The following DOCK3 variants were observed in gnomAD, a reference collection of about 807,000 sequenced individuals.
DOCK3 encodes the protein dedicator of cytokinesis protein 3.
A neutral mutation model predicts 265.6 loss-of-function variants in DOCK3; 60 were observed. The ratio of observed to expected loss-of-function variants is 0.23; its 90% CI spans 0.18 to 0.28. DOCK3 has a LOEUF of 0.28. DOCK3 is among the 10% of genes least tolerant of loss of function. The pLI is 1.00. For missense variants in DOCK3, 1,981 were observed against 2,594.3 expected, an observed-to-expected ratio of 0.76 and a Z score of 5.14; for synonymous variants, 881 against 938.0, an observed-to-expected ratio of 0.94 and a Z score of 1.11.
chr3:50,905,871 C>T (rs529748332), intron 4 of DOCK3, among the ~76,000 whole-genome samples: 71 of 152,114 alleles, frequency 4.7e-4, no homozygotes, highest in Non-Finnish European at 9.3e-4. Flanking sequence ...CCAGTTTTTG[C>T]CCATTCAGTA....
chr3:51,357,459 A>G (rs1014289403), intron 44 of DOCK3, among the ~76,000 whole-genome samples: 1 of 152,270 alleles, frequency 6.6e-6, no homozygotes, highest in South Asian at 2.1e-4. Context: ...TAGGCTGGAT[A>G]AGAGGCTAGC....
At chr3:50,943,086 A>G (rs1389633346) in intron 5 of DOCK3, among the ~76,000 whole-genome samples, 1 of 152,110 alleles carries the variant, frequency 6.6e-6, no homozygotes, top group Non-Finnish European at 1.5e-5. Context: ...AAGGAAAATA[A>G]TTTCTAAAAA....
At chr3:51,327,584 G>A (rs2084217751) in intron 32 of DOCK3, among the ~76,000 whole-genome samples, 1 of 150,718 alleles carries the variant, frequency 6.6e-6, no homozygotes, top group Non-Finnish European at 1.5e-5. Context: ...AGTGTCCCAT[G>A]TTTCAGATTT....
chr3:51,369,576 C>G lies in DOCK3; in HGVS notation c.5294-4893C>G, dbSNP rs1233838551. The stretch of plus-strand genomic sequence containing the variant: ...TCTACGTCTGATTGGTGTAATAGCA[C>G]AAATGTATGACTTGGGAAGTCATTA... On this transcript the variant is annotated intron_variant, in intron 49 of 52. Coordinates refer to ENST00000266037, the MANE Select transcript of DOCK3 (RefSeq NM_004947.5). Among the ~76,000 whole-genome samples, 4 of 151,996 alleles carry G rather than the reference C, an allele frequency of 2.6e-5. No individual in the cohort carries two copies. In the East Asian group the frequency reaches 7.7e-4, roughly 29 times the overall value.
At chr3:51,106,051 G>T (rs1478777267) in intron 9 of DOCK3, among the ~76,000 whole-genome samples, 1 of 152,220 alleles carries the variant, frequency 6.6e-6, no homozygotes, top group East Asian at 1.9e-4. Context: ...AGCCCAGAGG[G>T]TTTGGTGTGG....
In DOCK3 at chr3:50,893,662, C is replaced by T. The variant is rs533461307; in HGVS notation, c.218+3581C>T. 2.0e-4 allele frequency among the ~76,000 whole-genome samples: 30 copies of T among 151,794 alleles called. No individual in the cohort carries two copies. The East Asian group carries it at 4.9e-3, about 25-fold the overall frequency. ...ATATGCTCAATATGGAATTATCACA[C>T]GTGGGGCAGGAGAGAGAGGAAGAGG... is the stretch of plus-strand genomic sequence containing the variant. On this transcript the variant is annotated intron_variant, in intron 4 of 52. Coordinates refer to ENST00000266037, the MANE Select transcript of DOCK3 (RefSeq NM_004947.5).
chr3:50,695,356 T>C (rs925210514), intron 1 of DOCK3, among the ~76,000 whole-genome samples: 3 of 152,150 alleles, frequency 2.0e-5, no homozygotes, highest in Non-Finnish European at 1.5e-5. Flanking sequence ...TAGCTAGTGA[T>C]TTTTTTTCTA....
At chr3:51,255,605 A>G (rs1454710075) in intron 22 of DOCK3, among the ~76,000 whole-genome samples, 1 of 152,132 alleles carries the variant, frequency 6.6e-6, no homozygotes, top group Non-Finnish European at 1.5e-5. Flanking sequence ...ACTTCATTTC[A>G]TTCATTTGAT....
chr3:51,117,057 G>A (rs2083773964), intron 9 of DOCK3, among the ~76,000 whole-genome samples: 1 of 152,148 alleles, frequency 6.6e-6, no homozygotes, highest in Admixed American at 6.5e-5. Context: ...CAAGGGGAAT[G>A]CGTCCAGCTT....
chr3:50,953,894 C>G (rs764970687), intron 5 of DOCK3, among the ~76,000 whole-genome samples: 6 of 152,006 alleles, frequency 3.9e-5, no homozygotes, highest in Non-Finnish European at 5.9e-5. Flanking sequence ...GTATATCTAC[C>G]TATTTTTTAA....
rs144379072 is a variant in DOCK3 at position 50,675,898 on chromosome 3, C to T, written c.37+598C>T. Among the ~76,000 whole-genome samples the T allele has an allele frequency of 2.5e-3, 384 of 151,658 alleles. 5 individuals carry two copies. Among genetic ancestry groups the T allele is most frequent in the African/African-American group, 8.6e-3 (357 of 41,336 alleles). ...ATGTTTATACGGTTTTTTTTTTAAA[C>T]CCTGTTTTCAGATGAGACCTTATTC... On this transcript the variant is annotated intron_variant, in intron 1 of 52. Transcript: ENST00000266037. The surrounding 1 kb of genome is among the most constrained non-coding windows in gnomAD (Gnocchi z 6.1).
intron 37 of DOCK3, 68 bp downstream of exon 37, chr3:51,339,096 A>G (rs567102687): frequency 6.3e-5 from 85 of 1,345,736 alleles, no homozygotes; most frequent in Middle Eastern, 1.9e-4. Context: ...TACAATAGGC[A>G]GAGAAAGGCT....
At chr3:50,804,887 C>A (rs2043320022) in intron 2 of DOCK3, among the ~76,000 whole-genome samples, 1 of 152,168 alleles carries the variant, frequency 6.6e-6, no homozygotes, top group Non-Finnish European at 1.5e-5. Flanking sequence ...GCTTATCTAT[C>A]TTTTTTGAAT....
intron 10 of DOCK3, among the ~76,000 whole-genome samples, chr3:51,155,141 A>G (rs1164444526): frequency 1.3e-5 from 2 of 151,006 alleles, no homozygotes; most frequent in Non-Finnish European, 3.0e-5. Flanking sequence ...ATGCTTGGCT[A>G]ATTTTTTTTT....
At chr3:51,076,522 A>G (rs2082063129) in intron 7 of DOCK3, among the ~76,000 whole-genome samples, 1 of 152,238 alleles carries the variant, frequency 6.6e-6, no homozygotes, top group Non-Finnish European at 1.5e-5. Flanking sequence ...CTTTTGGGTC[A>G]TAGAAGATCA....
chr3:50,744,673 G>T (rs953216336), intron 1 of DOCK3, among the ~76,000 whole-genome samples: 1 of 152,164 alleles, frequency 6.6e-6, no homozygotes, highest in African/African-American at 2.4e-5. Context: ...GGGCTCAAGC[G>T]ATCTGCCCGC....
chr3:51,178,542 C>T (rs1315113082), intron 12 of DOCK3, among the ~76,000 whole-genome samples: 1 of 152,182 alleles, frequency 6.6e-6, no homozygotes, highest in East Asian at 1.9e-4. Context: ...ACATACCCAC[C>T]TTCTTAGCTG....
rs138721905 is a variant in DOCK3, at chr3:51,010,640, G to A, written c.316-53808G>A. Among the ~76,000 whole-genome samples the A allele has an allele frequency of 4.6e-3, 694 of 152,236 alleles. 9 individuals are homozygous for A. Among genetic ancestry groups the A allele is most frequent in the African/African-American group, 0.016 (665 of 41,538 alleles). Reference sequence around the variant, plus strand: ...TTACATTTAAGGTGAATATTGTTATGTGTGAATTTGATCCTGTCATTATGA... The same window carrying A: ...TTACATTTAAGGTGAATATTGTTATATGTGAATTTGATCCTGTCATTATGA... On this transcript the variant is annotated intron_variant, in intron 5 of 52. Coordinates refer to ENST00000266037, the MANE Select transcript of DOCK3 (RefSeq NM_004947.5).
At chr3:50,703,808 G>A (rs1425140315) in intron 1 of DOCK3, among the ~76,000 whole-genome samples, 1 of 147,632 alleles carries the variant, frequency 6.8e-6, no homozygotes, top group East Asian at 2.0e-4. Context: ...ATTTAGTCCT[G>A]CTCTGATATT....
Sources: gnomAD v4.1 joint callset for allele counts (sites outside exome capture counted in the v4.1 genomes callset) on GRCh38, gnomAD v4.1.1 for gene constraint, Gnocchi (gnomAD v3.1) non-coding constraint, MANE v1.5 for transcripts, NCBI Gene and HGNC (gene_info 2026-07-23, HGNC 2026-07-21) for gene names.